Variants in CSRNP3 observed in about 807,000 individuals in gnomAD.
CSRNP3 encodes cysteine and serine rich nuclear protein 3.
CSRNP3 carries 12 observed loss-of-function variants against 48.0 expected under a neutral mutation model. The ratio of observed to expected loss-of-function variants is 0.25; its 90% confidence interval spans 0.16 to 0.41. The LOEUF is 0.41. CSRNP3 is among the 10% of genes least tolerant of loss of function. The pLI is 1.00. For synonymous variants in CSRNP3, 263 were observed against 269.7 expected, an observed-to-expected ratio of 0.98 and a Z score of 0.24; for missense variants, 580 against 724.4, an observed-to-expected ratio of 0.80 and a Z score of 2.29.
intron 1 of CSRNP3, among the ~76,000 whole-genome samples, chr2:165,492,724 TAA>T (rs11304265): frequency 0.24 from 26,435 of 110,928 alleles, 2,579 homozygotes; most frequent in East Asian, 0.35. Context: ...ACTATTAGAG[TAA>T]AAAAAAAAAA....
At chr2:165,659,793 T>C (rs919732801) in intron 5 of CSRNP3, among the ~76,000 whole-genome samples, 2 of 152,212 alleles carry the variant, frequency 1.3e-5, no homozygotes, top group African/African-American at 4.8e-5. Context: ...TGGGTTAGCA[T>C]TACTTTTAGT....
chr2:165,471,759 G>T (rs956426558), intron 1 of CSRNP3, among the ~76,000 whole-genome samples: 2 of 151,902 alleles, frequency 1.3e-5, no homozygotes, highest in African/African-American at 2.4e-5. Flanking sequence ...GCAGACGTCT[G>T]CAAGTCTTAT....
At chr2:165,582,143 GAGA>G (rs993675435) in intron 3 of CSRNP3, among the ~76,000 whole-genome samples, 2 of 152,204 alleles carry the variant, frequency 1.3e-5, no homozygotes, top group Admixed American at 1.3e-4. Context: ...ATATTTTTCA[GAGA>G]AGGACTGGGT....
chr2:165,520,325 T>G (rs1241731880), intron 3 of CSRNP3, among the ~76,000 whole-genome samples: 1 of 152,142 alleles, frequency 6.6e-6, no homozygotes, highest in Non-Finnish European at 1.5e-5. Context: ...CTCCTGCCTG[T>G]TTTCTTGCAA....
intron 4 of CSRNP3, among the ~76,000 whole-genome samples, chr2:165,657,312 G>A (rs1298502628): frequency 6.6e-6 from 1 of 152,114 alleles, no homozygotes; most frequent in Non-Finnish European, 1.5e-5. Context: ...ACTGTTAGCT[G>A]TTGTAATTAA....
Position 165,687,329 on chromosome 2 carries a change from T to C in CSRNP3, c.*7576T>C, listed in dbSNP as rs1044030107. ...TTTTCATTTTTGCTGTTGTTGTTGT[T>C]TGTTTTTGTGATTGCTCTTATGTCG... is the stretch of plus-strand genomic sequence containing the variant. On this transcript the variant is annotated 3_prime_UTR_variant, in exon 7 of 7. Transcript: ENST00000651982. 1.3e-5 allele frequency: 2 copies of C among 152,118 alleles called. No homozygotes were observed. The highest frequency in any genetic ancestry group is 2.4e-5 in the African/African-American group (1 of 41,440). The allele number at this position is 152,118 out of a possible 1,614,324, so 9.4% of individuals were successfully genotyped here. A position where few individuals can be genotyped will look rare whatever the true frequency, so the allele number is the denominator to read the frequency against.
At chr2:165,522,431 G>A (rs1684675367) in intron 3 of CSRNP3, among the ~76,000 whole-genome samples, 1 of 151,774 alleles carries the variant, frequency 6.6e-6, no homozygotes, top group Non-Finnish European at 1.5e-5. Context: ...GCTTATACTC[G>A]GCCTTGTATC....
rs143124297 is a variant in CSRNP3 at position 165,546,942 on chromosome 2, G to A, written c.-24+28981G>A. Among the ~76,000 whole-genome samples, 377 of 152,240 alleles carry A rather than the reference G, an allele frequency of 2.5e-3. 1 individual carries two copies. The highest frequency in any genetic ancestry group is 8.2e-3 in the African/African-American group (339 of 41,568). On this transcript the variant is annotated intron_variant, in intron 3 of 6. Transcript: ENST00000651982. ...TATGTTCTGATTTTCTTTAATTGAA[G>A]TACATTAGTAAGCATTGTAAAAATA...
chr2:165,553,306 T>G (rs1333814204), intron 3 of CSRNP3, among the ~76,000 whole-genome samples: 1 of 152,180 alleles, frequency 6.6e-6, no homozygotes, highest in Non-Finnish European at 1.5e-5. Context: ...TAAAATAACC[T>G]AAATTTCATG....
intron 1 of CSRNP3, among the ~76,000 whole-genome samples, chr2:165,482,468 T>G (rs1574795525): frequency 6.6e-6 from 1 of 152,270 alleles, no homozygotes; most frequent in African/African-American, 2.4e-5. Context: ...TTTCACCATG[T>G]TGTCCAGGCT....
intron 3 of CSRNP3, among the ~76,000 whole-genome samples, chr2:165,586,892 T>G (rs929857583): frequency 1.3e-5 from 2 of 152,246 alleles, no homozygotes; most frequent in African/African-American, 2.4e-5. Flanking sequence ...CCTCTTGATT[T>G]GACATTTTTA....
intron 4 of CSRNP3, among the ~76,000 whole-genome samples, chr2:165,619,966 A>G (rs771557169): frequency 6.6e-6 from 1 of 152,188 alleles, no homozygotes; most frequent in Non-Finnish European, 1.5e-5. Flanking sequence ...CGAAGGGTCT[A>G]AATCTGAAGT....
intron 3 of CSRNP3, among the ~76,000 whole-genome samples, chr2:165,564,094 T>C (rs546055343): frequency 6.6e-6 from 1 of 152,186 alleles, no homozygotes; most frequent in South Asian, 2.1e-4. Flanking sequence ...TTGTGGTACC[T>C]GGGAAGCAAA....
intron 3 of CSRNP3, among the ~76,000 whole-genome samples, chr2:165,567,954 A>C (rs996791803): frequency 9.2e-5 from 14 of 152,074 alleles, no homozygotes; most frequent in Admixed American, 6.6e-4. Context: ...GAAATTACTG[A>C]ATCTATGTAA....
intron 2 of CSRNP3, among the ~76,000 whole-genome samples, chr2:165,508,851 C>A (rs1466052313): frequency 6.6e-6 from 1 of 152,006 alleles, no homozygotes; most frequent in Non-Finnish European, 1.5e-5. Context: ...TCTGTCTTTC[C>A]CCTATGGGTG....
intron 3 of CSRNP3, among the ~76,000 whole-genome samples, chr2:165,585,957 C>G (rs990930115): frequency 9.9e-5 from 15 of 152,114 alleles, no homozygotes; most frequent in African/African-American, 2.4e-4. Flanking sequence ...TAGAATACCC[C>G]CTAAGGCTCA....
intron 2 of CSRNP3, among the ~76,000 whole-genome samples, chr2:165,512,786 C>A (rs1684524596): frequency 1.3e-5 from 2 of 152,164 alleles, no homozygotes; most frequent in African/African-American, 4.8e-5. Flanking sequence ...ATTAATATGA[C>A]TGTCAGTGAA....
chr2:165,675,917 G>A (rs1284577378), intron 5 of CSRNP3, among the ~76,000 whole-genome samples: 2 of 152,200 alleles, frequency 1.3e-5, no homozygotes. Context: ...CCACAAGGAT[G>A]CTATTATCTC....
At chr2:165,657,342 T>G (rs1396352121) in intron 4 of CSRNP3, among the ~76,000 whole-genome samples, 1 of 152,210 alleles carries the variant, frequency 6.6e-6, no homozygotes, top group East Asian at 1.9e-4. Flanking sequence ...GTGCCTTATC[T>G]TAGGTAGGTA....
Sources: gnomAD v4.1 joint callset for allele counts (sites outside exome capture counted in the v4.1 genomes callset) on GRCh38, gnomAD v4.1.1 for gene constraint, MANE v1.5 for transcripts, NCBI Gene and HGNC (gene_info 2026-07-23, HGNC 2026-07-21) for gene names.